Variants in FGGY observed in about 807,000 individuals in gnomAD.
The protein encoded by FGGY is FGGY carbohydrate kinase domain containing.
Under a neutral mutation model 71.3 loss-of-function variants are expected in FGGY, and 72 were observed. The observed-to-expected ratio is 1.01, with a 90% confidence interval of 0.84 to 1.23. The LOEUF (loss-of-function observed/expected upper bound fraction) is 1.23, where lower values mean the gene tolerates loss of function less well. Among genes scored for constraint, FGGY ranks in the 50% most tolerant of loss-of-function variants. The probability of loss-of-function intolerance (pLI) is 0.00; values close to 1 mark genes in which losing one functional copy is unlikely to be tolerated. For missense variants in FGGY, 668 were observed against 682.3 expected (o/e 0.98, Z 0.23); for synonymous variants, 251 against 250.3 (o/e 1.00, Z -0.02).
intron 5 of FGGY, among the ~76,000 whole-genome samples, chr1:59,448,225 T>C (rs777588567): frequency 7.9e-5 from 12 of 152,240 alleles, no homozygotes; most frequent in Non-Finnish European, 1.8e-4. Context: ...TGAAACATTC[T>C]TGTACAACCA....
At chr1:59,378,190 A>G (rs1201525065) in intron 4 of FGGY, among the ~76,000 whole-genome samples, 1 of 152,120 alleles carries the variant, frequency 6.6e-6, no homozygotes, top group Non-Finnish European at 1.5e-5. Context: ...CCCAAATTTC[A>G]TCTTCAATTG....
In FGGY at chr1:59,527,495, C is replaced by T. The variant is rs146011278; in HGVS notation, c.799+15056C>T. Among the ~76,000 whole-genome samples the T allele has an allele frequency of 1.1e-4, 16 of 152,284 alleles. No homozygotes were observed. In the East Asian group the frequency reaches 2.3e-3, roughly 22 times the overall value. Reference sequence around the variant, plus strand: ...TTTCTGCCAGTGTCTTTTGTGAGAGCAATTTTATCTCTGCCCCTTTCTCTT... The same window carrying T: ...TTTCTGCCAGTGTCTTTTGTGAGAGTAATTTTATCTCTGCCCCTTTCTCTT... On this transcript the variant is annotated intron_variant, in intron 7 of 15. Transcript: ENST00000303721.
chr1:59,478,342 A>T (rs938622111), intron 6 of FGGY, among the ~76,000 whole-genome samples: 5 of 152,208 alleles, frequency 3.3e-5, no homozygotes, highest in Non-Finnish European at 7.3e-5. Flanking sequence ...TTGAAGCCTC[A>T]TCTATAGTAG....
intron 15 of FGGY, 31 bp from the exon 16 acceptor site, chr1:59,762,472 A>G (rs1290700239): frequency 1.3e-6 from 2 of 1,565,688 alleles, no homozygotes; most frequent in South Asian, 1.1e-5. Context: ...TTGTCTTGAG[A>G]TCATTCAACA....
chr1:59,475,260 T>C lies in FGGY; in HGVS notation c.670+18184T>C, dbSNP rs146904289. The stretch of plus-strand genomic sequence containing the variant: ...ACATTTCATAATCACAAACCTTCCT[T>C]GAGAGGCATCTTAATTGGAATTAAG... On this transcript the variant is annotated intron_variant, in intron 6 of 15. Transcript: ENST00000303721. Among the ~76,000 whole-genome samples the C allele has an allele frequency of 4.0e-3, 613 of 152,318 alleles. 8 individuals are homozygous for C. Among genetic ancestry groups the C allele is most frequent in the African/African-American group, 0.014 (587 of 41,564 alleles).
intron 10 of FGGY, among the ~76,000 whole-genome samples, chr1:59,634,097 G>A (rs1433229771): frequency 6.6e-6 from 1 of 152,028 alleles, no homozygotes. Flanking sequence ...AGAATGCATA[G>A]TGTATTGGGT....
intron 5 of FGGY, among the ~76,000 whole-genome samples, chr1:59,402,949 G>C (rs1217962934): frequency 6.6e-6 from 1 of 152,134 alleles, no homozygotes; most frequent in Non-Finnish European, 1.5e-5. Context: ...GGGTATGGGG[G>C]TCCCGGGCTC....
chr1:59,308,293 G>C (rs896190699), intron 1 of FGGY, among the ~76,000 whole-genome samples: 1 of 152,182 alleles, frequency 6.6e-6, no homozygotes, highest in Non-Finnish European at 1.5e-5. Context: ...GGTAAAAAAG[G>C]CTGTTTGGAT....
chr1:59,359,277 AT>A (rs1401032503), intron 4 of FGGY, among the ~76,000 whole-genome samples: 2 of 152,206 alleles, frequency 1.3e-5, no homozygotes, highest in Non-Finnish European at 2.9e-5. Flanking sequence ...CAGATAACAC[AT>A]TTGTTTGGCA....
At chr1:59,716,117 C>T (rs1391896806) in intron 14 of FGGY, among the ~76,000 whole-genome samples, 1 of 152,120 alleles carries the variant, frequency 6.6e-6, no homozygotes, top group African/African-American at 2.4e-5. Flanking sequence ...TTAGCTGGGG[C>T]CACAAAGCTG....
rs1163413812 is a variant in FGGY, at chr1:59,346,170, G to A, written c.314-77G>A. The A allele has an allele frequency of 2.6e-6, 4 of 1,547,264 alleles. No individual in the cohort carries two copies. The East Asian group carries it at 9.0e-5, about 35-fold the overall frequency. On this transcript the variant is annotated intron_variant, in intron 3 of 15. Coordinates refer to ENST00000303721, the MANE Select transcript of FGGY (RefSeq NM_018291.5). ...AGAAAGTACATAGCATTTTGATCTT[G>A]GGAATCCATAATTGTTCCCTTGAAT...
At chr1:59,427,673 C>T (rs2066635411) in intron 5 of FGGY, among the ~76,000 whole-genome samples, 2 of 152,140 alleles carry the variant, frequency 1.3e-5, no homozygotes, top group African/African-American at 4.8e-5. Context: ...TAAGATGGCA[C>T]ATAATCTGCT....
intron 5 of FGGY, among the ~76,000 whole-genome samples, chr1:59,444,869 G>A (rs530306265): frequency 1.7e-4 from 26 of 152,248 alleles, no homozygotes; most frequent in South Asian, 1.7e-3. Flanking sequence ...GCTGGGGACC[G>A]CTGGTATAAA....
chr1:59,666,848 C>A (rs1016864921), intron 12 of FGGY, among the ~76,000 whole-genome samples: 1 of 152,098 alleles, frequency 6.6e-6, no homozygotes, highest in Non-Finnish European at 1.5e-5. Flanking sequence ...AAGGAAAAAG[C>A]CTTTAGTTCC....
chr1:59,416,791 T>G (rs1181252296), intron 5 of FGGY, among the ~76,000 whole-genome samples: 1 of 152,212 alleles, frequency 6.6e-6, no homozygotes, highest in South Asian at 2.1e-4. Flanking sequence ...CCCAGGAATC[T>G]TCTCTTCCTA....
At chr1:59,723,430 A>C (rs1364307344) in intron 14 of FGGY, among the ~76,000 whole-genome samples, 1 of 152,194 alleles carries the variant, frequency 6.6e-6, no homozygotes, top group Admixed American at 6.5e-5. Context: ...CCATCCATTT[A>C]CTTAATTATT....
chr1:59,464,356 G>A (rs7546161), intron 6 of FGGY, among the ~76,000 whole-genome samples: 56,286 of 152,032 alleles, frequency 0.37, 11,016 homozygotes, highest in Middle Eastern at 0.49. Context: ...TCTGGGACAC[G>A]TTTAAAGCAG....
At chr1:59,544,330 TA>T (rs1263377014) in intron 7 of FGGY, among the ~76,000 whole-genome samples, 4 of 152,130 alleles carry the variant, frequency 2.6e-5, no homozygotes, top group Non-Finnish European at 5.9e-5. Flanking sequence ...GATTTAATGG[TA>T]ATAAACTGGG....
chr1:59,383,083 T>C lies in FGGY; in HGVS notation c.554+4246T>C, dbSNP rs145188176. Among the ~76,000 whole-genome samples the C allele has an allele frequency of 1.7e-3, 266 of 152,284 alleles. 2 individuals carry two copies. The highest frequency in any genetic ancestry group is 6.3e-3 in the African/African-American group (260 of 41,554). ...CTTCCCTTCTTTGATTGTCACTCTT[T>C]TTGTCTATAGCATGGAGATTGTTAT... On this transcript the variant is annotated intron_variant, in intron 5 of 15. Transcript: ENST00000303721.
Sources: gnomAD v4.1 joint callset for allele counts (sites outside exome capture counted in the v4.1 genomes callset) on GRCh38, gnomAD v4.1.1 for gene constraint, MANE v1.5 for transcripts, NCBI Gene and HGNC (gene_info 2026-07-23, HGNC 2026-07-21) for gene names.